Variants in ATR observed in about 807,000 individuals in gnomAD.
ATR encodes the protein ATR checkpoint kinase, also known as serine/threonine-protein kinase ATR.
ATR carries 142 observed loss-of-function variants against 305.3 expected under a neutral mutation model. That is an observed-to-expected ratio of 0.47 (90% CI 0.41 to 0.53). The LOEUF (loss-of-function observed/expected upper bound fraction) is 0.53, where lower values mean the gene tolerates loss of function less well. Among genes scored for constraint, ATR ranks in the 20% least tolerant of loss-of-function variants. The pLI, the probability that ATR is intolerant of heterozygous loss-of-function variation, is 0.00. For synonymous variants in ATR, 1,050 were observed against 1,068.1 expected (o/e 0.98, Z 0.33); for missense variants, 2,135 against 3,133.1 (o/e 0.68, Z 7.60).
chr3:142,449,776 T>G, intron 46 of ATR, 174 bp from the exon 47 acceptor site: 1 of 689,228 alleles, frequency 1.5e-6, no homozygotes, highest in Non-Finnish European at 2.4e-6. Context: ...CTTGTGATAC[T>G]GATTTGGAGG....
At chr3:142,471,398 G>A (rs1253594991) in intron 36 of ATR, among the ~76,000 whole-genome samples, 3 of 152,102 alleles carry the variant, frequency 2.0e-5, no homozygotes, top group African/African-American at 7.2e-5. Flanking sequence ...TATGAATAAT[G>A]TTGCTATGAA....
chr3:142,561,541 C>T lies in ATR; in HGVS notation c.1171-120G>A. ...TCTAGTGAAACTACTTTTAGAGTCT[C>T]ATAAAGCAAAATAAACATCTAAATT... On this transcript the variant is annotated intron_variant, in intron 4 of 46. Coordinates refer to ENST00000350721, the MANE Select transcript of ATR (RefSeq NM_001184.4). 3 of 1,021,292 alleles carry T rather than the reference C, an allele frequency of 2.9e-6. No individual in the cohort carries two copies. The South Asian group carries it at 4.6e-5, about 16-fold the overall frequency. The allele number at this position is 1,021,292 out of a possible 1,614,324, so 63.3% of individuals were successfully genotyped here. A position where few individuals can be genotyped will look rare whatever the true frequency, so the allele number is the denominator to read the frequency against.
chr3:142,476,753 G>A (rs1414175935), intron 36 of ATR, among the ~76,000 whole-genome samples: 1 of 151,980 alleles, frequency 6.6e-6, no homozygotes, highest in Non-Finnish European at 1.5e-5. Flanking sequence ...ATTTGTTTGT[G>A]TCCTCTTTTA....
At chr3:142,535,319 A>G (rs2033816227) in intron 20 of ATR, 114 bp from the exon 21 acceptor site, 1 of 1,187,316 alleles carries the variant, frequency 8.4e-7, no homozygotes, top group African/African-American at 1.5e-5. Flanking sequence ...CCAATTTTTT[A>G]AAGTAATGAA....
In ATR at chr3:142,449,614, A is replaced by G. The variant is rs772815170; in HGVS notation, c.7762-12T>C. ...ACATGGGTCTTGGCCTAAAAAGAAGAAACATAAAACCAAAAACAGATGTTA... is the reference window on the plus strand; with the variant it reads ...ACATGGGTCTTGGCCTAAAAAGAAGGAACATAAAACCAAAAACAGATGTTA... On this transcript the variant is annotated splice_polypyrimidine_tract_variant and intron_variant, in intron 46 of 46. Transcript: ENST00000350721. The G allele has an allele frequency of 1.1e-5, 17 of 1,613,370 alleles. No homozygotes were observed. The South Asian group carries it at 1.9e-4, about 18-fold the overall frequency.
chr3:142,529,937 T>C (rs2033572303), intron 21 of ATR, among the ~76,000 whole-genome samples: 1 of 152,168 alleles, frequency 6.6e-6, no homozygotes, highest in African/African-American at 2.4e-5. Flanking sequence ...ACAAGTCTTT[T>C]CAATATGTAG....
chr3:142,524,627 A>G (rs1275109384), intron 21 of ATR, among the ~76,000 whole-genome samples: 1 of 152,208 alleles, frequency 6.6e-6, no homozygotes. Flanking sequence ...AGGACAGTGG[A>G]CAGATATTTC....
intron 35 of ATR, among the ~76,000 whole-genome samples, chr3:142,492,380 G>A (rs2031337964): frequency 6.6e-6 from 1 of 152,124 alleles, no homozygotes; most frequent in Admixed American, 6.5e-5. Context: ...GTTATTCCTA[G>A]CTTGGCCTCA....
chr3:142,518,923 T>G (rs2033025668), intron 24 of ATR, among the ~76,000 whole-genome samples: 1 of 152,200 alleles, frequency 6.6e-6, no homozygotes, highest in Non-Finnish European at 1.5e-5. Context: ...TTAAATACAT[T>G]TTTTTAAAAG....
chr3:142,540,710 C>T (rs2034019723), intron 18 of ATR, among the ~76,000 whole-genome samples, 194 bp downstream of exon 18: 1 of 151,754 alleles, frequency 6.6e-6, no homozygotes, highest in Admixed American at 6.6e-5. Context: ...CTTCTATTTC[C>T]CAGTATGTTA....
At chr3:142,482,116 G>A (rs927756762) in intron 36 of ATR, among the ~76,000 whole-genome samples, 1 of 152,098 alleles carries the variant, frequency 6.6e-6, no homozygotes, top group African/African-American at 2.4e-5. Context: ...ATGAGCCACT[G>A]AGCCCAGCCT....
At chr3:142,566,006 A>T in intron 3 of ATR, 115 bp downstream of exon 3, 1 of 1,414,836 alleles carries the variant, frequency 7.1e-7, no homozygotes, top group Non-Finnish European at 9.9e-7. Flanking sequence ...CCTTCAATTT[A>T]TAGCAAAGCT....
intron 45 of ATR, among the ~76,000 whole-genome samples, chr3:142,456,540 C>G (rs2070911739): frequency 6.6e-6 from 1 of 151,964 alleles, no homozygotes; most frequent in African/African-American, 2.4e-5. Flanking sequence ...CCACTGCACT[C>G]CAGACTGGGT....
At chr3:142,548,617 C>G (rs573023171) in intron 15 of ATR, among the ~76,000 whole-genome samples, 1 of 149,786 alleles carries the variant, frequency 6.7e-6, no homozygotes, top group Non-Finnish European at 1.5e-5. Context: ...TGCAGTGAGC[C>G]GAGATCGTGC....
At chr3:142,467,580 A>G (rs2071159773) in intron 39 of ATR, among the ~76,000 whole-genome samples, 1 of 152,116 alleles carries the variant, frequency 6.6e-6, no homozygotes, top group African/African-American at 2.4e-5. Context: ...ATATGATATA[A>G]TCATAGACTA....
At chr3:142,532,651 T>A (rs868618519) in intron 21 of ATR, among the ~76,000 whole-genome samples, 2 of 152,226 alleles carry the variant, frequency 1.3e-5, no homozygotes, top group African/African-American at 4.8e-5. Context: ...CCAGCGATCA[T>A]CTTATTAACT....
intron 33 of ATR, 136 bp from the exon 34 acceptor site, chr3:142,496,656 A>C (rs2031664093): frequency 1.1e-6 from 1 of 880,758 alleles, no homozygotes; most frequent in Admixed American, 2.2e-5. Flanking sequence ...TTCCCAATAC[A>C]GAACCTTCTT....
At position 142,505,268 on chromosome 3, in the gene ATR, C is replaced by T; in HGVS notation, c.5067G>A (p.Val1689=). ...CCTTTCTAATTGCACTGACTCCGGC[C>T]ACTCCATCAGGTTCATGCATAGCAG... ...LYAAMHEPDG[V]AGVSAIRKAE... is the part of the protein sequence containing the mutation. The change falls in exon 29 of 47, where the codon GTG becomes GTA. Residue 1689 remains valine, a synonymous_variant. Transcript: ENST00000350721. The T allele has an allele frequency of 1.2e-6, 2 of 1,614,034 alleles. No individual in the cohort carries two copies. The highest frequency in any genetic ancestry group is 2.2e-5 in the South Asian group (2 of 91,078).
intron 21 of ATR, among the ~76,000 whole-genome samples, chr3:142,527,927 C>T (rs1220527695): frequency 1.3e-5 from 2 of 152,188 alleles, no homozygotes; most frequent in Non-Finnish European, 1.5e-5. Flanking sequence ...AATCTACTTT[C>T]TATCTCTATG....
Sources: allele counts gnomAD v4.1 joint callset (sites outside exome capture counted in the v4.1 genomes callset), GRCh38; gene constraint gnomAD v4.1.1; transcripts MANE v1.5; gene names NCBI Gene and HGNC (gene_info 2026-07-23, HGNC 2026-07-21).